The following SELENOT variants were observed in gnomAD, a reference collection of about 807,000 sequenced individuals.
The protein encoded by SELENOT is thioredoxin reductase-like selenoprotein T.
In SELENOT, 9 loss-of-function variants were observed where a neutral mutation model predicts 24.3. That is an observed-to-expected ratio of 0.37 (90% CI 0.22 to 0.65). SELENOT has a LOEUF of 0.65. Among genes scored for constraint, SELENOT ranks in the 30% least tolerant of loss-of-function variants. The pLI, the probability that SELENOT is intolerant of heterozygous loss-of-function variation, is 0.60. For synonymous variants in SELENOT, 81 were observed against 86.0 expected (o/e 0.94, Z 0.32); for missense variants, 166 against 247.6 (o/e 0.67, Z 2.21).
chr3:150,623,603 T>TC (rs1726385201), intron 3 of SELENOT, among the ~76,000 whole-genome samples: 1 of 152,112 alleles, frequency 6.6e-6, no homozygotes, highest in East Asian at 1.9e-4. Context: ...CTCTCTCTTT[T>TC]TAAATTATTT....
rs1479948191 is a variant in SELENOT, at chr3:150,603,341, C to T, written c.-22C>T. On this transcript the variant is annotated 5_prime_UTR_variant, in exon 1 of 6. Coordinates refer to ENST00000471696, the MANE Select transcript of SELENOT (RefSeq NM_016275.5). Reference sequence around the variant, plus strand: ...TGGCTGCAGTCTGTCTGAGGGCGGCCGAAGTGGCTGGCTCATTTAAGATGA... The same window carrying T: ...TGGCTGCAGTCTGTCTGAGGGCGGCTGAAGTGGCTGGCTCATTTAAGATGA... 5.6e-6 allele frequency: 9 copies of T among 1,605,218 alleles called. No individual in the cohort carries two copies. Among genetic ancestry groups the T allele is most frequent in the African/African-American group, 1.3e-5 (1 of 74,788 alleles).
intron 1 of SELENOT, among the ~76,000 whole-genome samples, chr3:150,604,373 G>A (rs573378493): frequency 6.6e-6 from 1 of 152,150 alleles, no homozygotes; most frequent in South Asian, 2.1e-4. Context: ...CTCTGAAGAT[G>A]GGGGAAAAAA....
chr3:150,603,912 C>T (rs529667230), intron 1 of SELENOT, among the ~76,000 whole-genome samples: 1 of 152,348 alleles, frequency 6.6e-6, no homozygotes, highest in Non-Finnish European at 1.5e-5. Context: ...TTTTTCTGCC[C>T]TCTTTTCCGG....
At chr3:150,611,004 C>CGTGTGT (rs113532087) in intron 1 of SELENOT, among the ~76,000 whole-genome samples, 9,697 of 145,424 alleles carry the variant, frequency 0.067, 373 homozygotes, top group African/African-American at 0.11. Flanking sequence ...CATCATGAGT[C>CGTGTGT]GTGTGTGTGT....
At chr3:150,610,898 C>G (rs544336096) in intron 1 of SELENOT, among the ~76,000 whole-genome samples, 65 of 152,056 alleles carry the variant, frequency 4.3e-4, no homozygotes, top group African/African-American at 1.4e-3. Flanking sequence ...GATACTGTGA[C>G]AAAAGCAGGT....
chr3:150,625,869 A>C (rs1010952145), intron 4 of SELENOT, among the ~76,000 whole-genome samples: 2 of 135,526 alleles, frequency 1.5e-5, no homozygotes, highest in African/African-American at 5.2e-5. Flanking sequence ...CTAAACAATA[A>C]CTTTTTTTTT....
intron 1 of SELENOT, among the ~76,000 whole-genome samples, chr3:150,621,614 CTTTTT>C (rs35489270): frequency 6.2e-5 from 5 of 80,576 alleles, no homozygotes; most frequent in South Asian, 5.3e-4. Flanking sequence ...GGCATATTTC[CTTTTT>C]TTTTTTTTTT....
intron 1 of SELENOT, among the ~76,000 whole-genome samples, chr3:150,607,752 T>C (rs1032755713): frequency 6.6e-5 from 10 of 152,176 alleles, no homozygotes; most frequent in Admixed American, 5.9e-4. Context: ...AGTGTACTTA[T>C]AGTAGGAAAG....
intron 1 of SELENOT, chr3:150,611,492 C>G (rs1052141566): frequency 1.7e-6 from 2 of 1,158,002 alleles, no homozygotes; most frequent in African/African-American, 3.0e-5. Context: ...TCTGGGGTAT[C>G]GAAATCTTGA....
At chr3:150,614,889 A>C (rs1438080779) in intron 1 of SELENOT, among the ~76,000 whole-genome samples, 2 of 151,146 alleles carry the variant, frequency 1.3e-5, no homozygotes, top group Non-Finnish European at 2.9e-5. Context: ...TTATACTTTA[A>C]GTTTTAGGGT....
intron 1 of SELENOT, among the ~76,000 whole-genome samples, chr3:150,610,671 G>C (rs528669991): frequency 1.3e-5 from 2 of 152,278 alleles, no homozygotes; most frequent in Admixed American, 6.5e-5. Context: ...GGTTTGCTGT[G>C]TATTTGTCTC....
chr3:150,618,836 T>C (rs1215211549), intron 1 of SELENOT: 1 of 152,178 alleles, frequency 6.6e-6, no homozygotes, highest in Non-Finnish European at 1.5e-5. Context: ...TGATAGACTT[T>C]AAAAAGCACA....
At chr3:150,610,034 GT>G (rs1239348689) in intron 1 of SELENOT, among the ~76,000 whole-genome samples, 1 of 152,084 alleles carries the variant, frequency 6.6e-6, no homozygotes, top group East Asian at 1.9e-4. Flanking sequence ...GTTTTAAAAG[GT>G]AATTTTGGCT....
At chr3:150,619,220 C>CA (rs761458301) in intron 1 of SELENOT, among the ~76,000 whole-genome samples, 35,222 of 80,098 alleles carry the variant, frequency 0.44, 6,139 homozygotes, top group East Asian at 0.55. Context: ...GACTCCGTCT[C>CA]AAAAAAAAAA....
rs1319183910 is a variant in SELENOT at position 150,620,852 on chromosome 3, A to AT, written c.138-1526dup. ...TTGTAAAACAAAAGCAATATTAAAC[A>AT]TTTTTTTATATTTGCCTTTGCTTTT... On this transcript the variant is annotated intron_variant, in intron 1 of 5. Transcript: ENST00000471696. 5.3e-5 allele frequency among the ~76,000 whole-genome samples: 8 copies of AT among 152,114 alleles called. No individual in the cohort carries two copies. In the East Asian group the frequency reaches 9.6e-4, roughly 18 times the overall value.
Position 150,605,276 on chromosome 3 carries a change from A to G in SELENOT, c.137+1777A>G, listed in dbSNP as rs1353607877. 3.9e-5 allele frequency among the ~76,000 whole-genome samples: 6 copies of G among 152,036 alleles called. No homozygotes were observed. The East Asian group carries it at 1.2e-3, about 29-fold the overall frequency. ...TTTAATTTTTCTGTATCCTACTTTT[A>G]TCTCTTGGTTGTATTTTTGCTTTTC... On this transcript the variant is annotated intron_variant, in intron 1 of 5. Coordinates refer to ENST00000471696, the MANE Select transcript of SELENOT (RefSeq NM_016275.5).
intron 3 of SELENOT, 98 bp downstream of exon 3, chr3:150,623,267 C>T (rs1009261818): frequency 9.1e-7 from 1 of 1,104,278 alleles, no homozygotes; most frequent in African/African-American, 1.6e-5. Flanking sequence ...ATTGATTCAC[C>T]TGTTAACATG....
At chr3:150,607,089 A>G (rs887201691) in intron 1 of SELENOT, among the ~76,000 whole-genome samples, 2 of 152,242 alleles carry the variant, frequency 1.3e-5, no homozygotes, top group African/African-American at 4.8e-5. Context: ...TTACTTGAAC[A>G]TTTGACAACT....
intron 3 of SELENOT, among the ~76,000 whole-genome samples, chr3:150,623,553 T>G (rs2108014260): frequency 6.6e-6 from 1 of 151,082 alleles, no homozygotes; most frequent in East Asian, 2.0e-4. Flanking sequence ...TGATTCACAT[T>G]AAAAAGGGGA....
Sources: allele counts gnomAD v4.1 joint callset (sites outside exome capture counted in the v4.1 genomes callset), GRCh38; gene constraint gnomAD v4.1.1; transcripts MANE v1.5; gene names NCBI Gene and HGNC (gene_info 2026-07-23, HGNC 2026-07-21).